HBS1L: variants seen among roughly 807,000 people sequenced by gnomAD.
HBS1L encodes the protein HBS1-like protein.
Under a neutral mutation model 88.9 loss-of-function variants are expected in HBS1L, and 55 were observed. The ratio of observed to expected loss-of-function variants is 0.62; its 90% CI spans 0.50 to 0.77. The LOEUF is 0.77. Ranked by LOEUF, HBS1L falls within the 30% of genes least tolerant of loss-of-function variation. HBS1L has a pLI of 0.00. For synonymous variants in HBS1L, 267 were observed against 288.5 expected, an observed-to-expected ratio of 0.93 and a Z score of 0.76; for missense variants, 741 against 829.3, an observed-to-expected ratio of 0.89 and a Z score of 1.31.
intron 4 of HBS1L, chr6:135,037,661 G>A (rs1776598619): frequency 6.5e-7 from 1 of 1,550,004 alleles, no homozygotes; most frequent in Non-Finnish European, 8.7e-7. Flanking sequence ...TCAGATGCAT[G>A]AGGTCTCAAC....
At chr6:135,023,446 A>AAAC (rs61238805) in intron 4 of HBS1L, among the ~76,000 whole-genome samples, 71,365 of 151,298 alleles carry the variant, frequency 0.47, 17,055 homozygotes, top group South Asian at 0.56. Context: ...TCCATCTCAA[A>AAAC]AACAACAACA....
In HBS1L at chr6:134,993,806, A is replaced by G. The variant is rs763603345; in HGVS notation, c.1035T>C (p.Ala345=). 2.5e-6 allele frequency: 4 copies of G among 1,606,940 alleles called. No homozygotes were observed. Among genetic ancestry groups the G allele is most frequent in the East Asian group, 2.2e-5 (1 of 44,750 alleles). ...TTTKVITLMD[A]PGHKDFIPNM... Reference sequence around the variant, plus strand: ...TTGGAATGAAGTCCTTATGGCCTGGAGCATCCATTAATGTAATAACTTTGG... The same window carrying G: ...TTGGAATGAAGTCCTTATGGCCTGGGGCATCCATTAATGTAATAACTTTGG... Residue 345 remains alanine (A), a synonymous_variant, in exon 8 of 18, where the codon GCT becomes GCC. Coordinates refer to ENST00000367837, the MANE Select transcript of HBS1L (RefSeq NM_006620.4).
Position 135,046,139 on chromosome 6 carries a change from T to C in HBS1L, c.110-4013A>G, listed in dbSNP as rs60970587. Among the ~76,000 whole-genome samples the C allele has an allele frequency of 2.9e-3, 437 of 152,324 alleles. 1 individual carries two copies. Among genetic ancestry groups the C allele is most frequent in the African/African-American group, 0.01 (422 of 41,580 alleles). On this transcript the variant is annotated intron_variant, in intron 2 of 17. Coordinates refer to ENST00000367837, the MANE Select transcript of HBS1L (RefSeq NM_006620.4). ...TGAAACAAGCCTCACTCAGAGGCCA[T>C]TGCTTAAGCAACGTTGTTTCCTCTA... is the stretch of plus-strand genomic sequence containing the variant.
At chr6:135,006,811 C>A (rs1198433723) in intron 4 of HBS1L, among the ~76,000 whole-genome samples, 1 of 151,620 alleles carries the variant, frequency 6.6e-6, no homozygotes, top group African/African-American at 2.4e-5. Flanking sequence ...ATGGGGTGTG[C>A]GTATGTGCAT....
Position 134,982,555 on chromosome 6 carries a change from T to C in HBS1L, c.1500A>G (p.Gly500=), listed in dbSNP as rs776430485. Reference sequence around the variant, plus strand: ...TTTTACCAGTTATGCAAAATCCAGATCCTTGATCTGCAAAACATACCAAAA... The same window carrying C: ...TTTTACCAGTTATGCAAAATCCAGACCCTTGATCTGCAAAACATACCAAAA... ...LCVSDVFKDQ[G]SGFCITGKIE... Residue 500 remains glycine, a synonymous_variant, in exon 13 of 18, where the codon GGA becomes GGG. Coordinates refer to ENST00000367837, the MANE Select transcript of HBS1L (RefSeq NM_006620.4). 6.2e-7 allele frequency: 1 copy of C among 1,600,908 alleles called. No individual in the cohort carries two copies. Among genetic ancestry groups the C allele is most frequent in the East Asian group, 2.2e-5 (1 of 44,720 alleles).
chr6:135,049,683 T>C (rs1158679634), intron 2 of HBS1L, among the ~76,000 whole-genome samples: 2 of 152,202 alleles, frequency 1.3e-5, no homozygotes, highest in Non-Finnish European at 2.9e-5. Context: ...GCAATTCTCC[T>C]GCCTCAGCCT....
intron 4 of HBS1L, among the ~76,000 whole-genome samples, chr6:135,022,034 C>A (rs1031327819): frequency 1.3e-5 from 2 of 152,020 alleles, no homozygotes; most frequent in Non-Finnish European, 2.9e-5. Flanking sequence ...AGACCTAGCC[C>A]CTTACGAGCT....
chr6:135,006,566 G>A (rs1443535477), intron 4 of HBS1L, among the ~76,000 whole-genome samples: 2 of 152,096 alleles, frequency 1.3e-5, no homozygotes, highest in African/African-American at 4.8e-5. Flanking sequence ...TCAAGGGGGG[G>A]AAATGATGAA....
At chr6:134,979,472 C>T in intron 13 of HBS1L, 1 of 487,688 alleles carries the variant, frequency 2.1e-6, no homozygotes, top group Non-Finnish European at 3.7e-6. Context: ...CCACCCTAAA[C>T]ATAAAGTGAC....
At chr6:134,984,032 T>C (rs768838538) in intron 12 of HBS1L, among the ~76,000 whole-genome samples, 4 of 152,154 alleles carry the variant, frequency 2.6e-5, no homozygotes, top group Non-Finnish European at 4.4e-5. Flanking sequence ...GGTCATTTCA[T>C]GACCTCAGGA....
At chr6:135,020,913 CAT>C (rs1476906059) in intron 4 of HBS1L, among the ~76,000 whole-genome samples, 2 of 151,768 alleles carry the variant, frequency 1.3e-5, no homozygotes, top group African/African-American at 4.8e-5. Flanking sequence ...TAATGTTGCA[CAT>C]GATTAAGTTA....
intron 15 of HBS1L, among the ~76,000 whole-genome samples, chr6:134,977,542 TAAGTA>T (rs544139311): frequency 6.0e-4 from 92 of 152,152 alleles, no homozygotes; most frequent in African/African-American, 2.1e-3. Context: ...TATAATTATG[TAAGTA>T]AAGTACCTAA....
At chr6:134,971,068 T>C (rs781031281) in intron 15 of HBS1L, among the ~76,000 whole-genome samples, 6 of 150,694 alleles carry the variant, frequency 4.0e-5, no homozygotes, top group Non-Finnish European at 8.8e-5. Flanking sequence ...TGTACAATCT[T>C]AGACTTTGGG....
At chr6:135,033,621 G>C (rs911519917) in intron 4 of HBS1L, among the ~76,000 whole-genome samples, 2 of 152,092 alleles carry the variant, frequency 1.3e-5, no homozygotes, top group Non-Finnish European at 2.9e-5. Flanking sequence ...CCCACCAAAA[G>C]AATCTCATAC....
chr6:135,042,189 A>C, intron 2 of HBS1L, 63 bp from the exon 3 acceptor site: 1 of 1,453,942 alleles, frequency 6.9e-7, no homozygotes. Flanking sequence ...TTTTTTTTAC[A>C]AAAGTTAAAG....
rs758190472 is a variant in HBS1L, at chr6:134,969,274, T to C, written c.1862A>G (p.Asn621Ser). 3 of 1,613,700 alleles carry C rather than the reference T, an allele frequency of 1.9e-6. No homozygotes were observed. Among genetic ancestry groups the C allele is most frequent in the Admixed American group, 3.3e-5 (2 of 60,026 alleles). ...AVIKRLISVL[N>S]KSTGEVTKKK... is the part of the protein sequence containing the mutation. ...CTTTGTGACTTCACCCGTGCTTTTG[T>C]TTAAGACACTAATCAATCGTTTAAT... The change falls in exon 16 of 18, where the codon AAC becomes AGC. Residue 621 changes from asparagine to serine, a missense_variant. Around this residue, in one of 3 missense-constraint regions of HBS1L, gnomAD observed 181 missense variants for 212.7 expected, o/e 0.85. Coordinates refer to ENST00000367837, the MANE Select transcript of HBS1L (RefSeq NM_006620.4).
At chr6:134,969,386 T>G in intron 15 of HBS1L, 48 bp from the exon 16 acceptor site, 5 of 1,162,734 alleles carry the variant, frequency 4.3e-6, no homozygotes, top group Non-Finnish European at 6.5e-6. Flanking sequence ...ACAGTATCTC[T>G]GGCCTTTTCT....
In HBS1L at chr6:135,054,803, T is replaced by A; in HGVS notation, c.-112A>T. The stretch of plus-strand genomic sequence containing the variant: ...GAGAACCCCTATGCGCCATCTTGGC[T>A]TCCCGCAGGCCTCTGCGCCGAGCGC... On this transcript the variant is annotated 5_prime_UTR_variant, in exon 1 of 18. In the 5' UTR this introduces an upstream ATG that the reference lacks. Transcript: ENST00000367837. The A allele has an allele frequency of 7.5e-7, 1 of 1,331,466 alleles. No individual in the cohort carries two copies. Among genetic ancestry groups the A allele is most frequent in the Non-Finnish European group, 1.1e-6 (1 of 949,612 alleles). 82.5% of individuals were successfully genotyped at this position (1,331,466 alleles called of 1,614,324 possible). A position where few individuals can be genotyped will look rare whatever the true frequency, so the allele number is the denominator to read the frequency against.
intron 4 of HBS1L, among the ~76,000 whole-genome samples, chr6:135,003,944 A>C (rs1205781551): frequency 2.0e-5 from 3 of 152,178 alleles, no homozygotes; most frequent in Non-Finnish European, 4.4e-5. Context: ...AGATCAAAGT[A>C]AGACTTTTTT....
Sources: allele counts gnomAD v4.1 joint callset (sites outside exome capture counted in the v4.1 genomes callset), GRCh38; gene constraint gnomAD v4.1.1; regional missense constraint gnomAD v4.1.1; transcripts MANE v1.5; gene names NCBI Gene and HGNC (gene_info 2026-07-23, HGNC 2026-07-21).